Variants in SEPTIN7 observed in about 807,000 individuals in gnomAD.
The protein encoded by SEPTIN7 is septin-7.
SEPTIN7 carries 10 observed loss-of-function variants against 63.3 expected under a neutral mutation model. The observed-to-expected ratio is 0.16, with a 90% confidence interval of 0.10 to 0.27. The LOEUF (loss-of-function observed/expected upper bound fraction) is 0.27, where lower values mean the gene tolerates loss of function less well. Among genes scored for constraint, SEPTIN7 ranks in the 10% least tolerant of loss-of-function variants. SEPTIN7 has a pLI of 1.00. For missense variants in SEPTIN7, 310 were observed against 521.0 expected, an observed-to-expected ratio of 0.59 and a Z score of 3.94; for synonymous variants, 131 against 165.3, an observed-to-expected ratio of 0.79 and a Z score of 1.59.
At chr7:35,875,383 G>A (rs1786409349) in intron 6 of SEPTIN7, among the ~76,000 whole-genome samples, 1 of 152,138 alleles carries the variant, frequency 6.6e-6, no homozygotes, top group East Asian at 1.9e-4. Context: ...AGAATTTTAT[G>A]TATAGAGTTC....
At chr7:35,914,105 A>G in the SEPTIN7 span, among the ~76,000 whole-genome samples, 3 of 152,360 alleles carry the variant, frequency 2.0e-5, no homozygotes, top group African/African-American at 7.2e-5. Flanking sequence ...CATAACATTG[A>G]GAAAGAATGA....
intron 3 of SEPTIN7, among the ~76,000 whole-genome samples, chr7:35,834,047 T>G (rs1281930129): frequency 6.6e-6 from 1 of 152,018 alleles, no homozygotes; most frequent in Admixed American, 6.6e-5. Flanking sequence ...GCTTGCAAAC[T>G]GCTGCTGTGG....
At chr7:35,815,332 A>T (rs1285780757) in intron 1 of SEPTIN7, among the ~76,000 whole-genome samples, 1 of 152,226 alleles carries the variant, frequency 6.6e-6, no homozygotes, top group African/African-American at 2.4e-5. Context: ...AGACAGAGGT[A>T]GGCAATATAT....
intron 3 of SEPTIN7, among the ~76,000 whole-genome samples, chr7:35,856,653 C>T (rs1370065838): frequency 2.0e-5 from 3 of 152,126 alleles, no homozygotes; most frequent in East Asian, 3.8e-4. Context: ...TTTTTTCTGC[C>T]TCCTTACCCT....
intron 1 of SEPTIN7, among the ~76,000 whole-genome samples, chr7:35,821,914 G>A (rs552025334): frequency 5.9e-5 from 9 of 152,284 alleles, no homozygotes; most frequent in Non-Finnish European, 1.0e-4. Context: ...GAGTAGCTGC[G>A]ATTACAGGTG....
At chr7:35,889,479 G>T in intron 10 of SEPTIN7, among the ~76,000 whole-genome samples, 1 of 152,336 alleles carries the variant, frequency 6.6e-6, no homozygotes. Context: ...GATTCAAGAA[G>T]CTGGATTGTG....
intron 1 of SEPTIN7, among the ~76,000 whole-genome samples, chr7:35,826,754 A>C (rs1345988337): frequency 6.6e-6 from 1 of 152,080 alleles, no homozygotes; most frequent in Non-Finnish European, 1.5e-5. Context: ...AATAGTTTTC[A>C]AAATAAGTTG....
At chr7:35,867,597 G>C (rs1161026785) in intron 4 of SEPTIN7, among the ~76,000 whole-genome samples, 1 of 151,830 alleles carries the variant, frequency 6.6e-6, no homozygotes, top group African/African-American at 2.4e-5. Context: ...TGATCCGCCC[G>C]CCTCGGCCTC....
At chr7:35,894,484 T>A (rs912765065) in intron 11 of SEPTIN7, among the ~76,000 whole-genome samples, 3 of 152,184 alleles carry the variant, frequency 2.0e-5, no homozygotes, top group Non-Finnish European at 2.9e-5. Context: ...GACAATTTGC[T>A]GAAAATTTCA....
At position 35,904,318 on chromosome 7, in the gene SEPTIN7, G is replaced by C. The variant is rs1375151535; in HGVS notation, c.*25G>C. On this transcript the variant is annotated 3_prime_UTR_variant, in exon 14 of 14. Coordinates refer to ENST00000350320, the MANE Select transcript of SEPTIN7 (RefSeq NM_001788.6). ...AACTCTCTATTGACCACCAGTTAAC[G>C]TATTAGTTGCCAATATGCCAGCTTG... 6 of 1,535,862 alleles carry C rather than the reference G, an allele frequency of 3.9e-6. No individual in the cohort carries two copies. The highest frequency in any genetic ancestry group is 5.3e-6 in the Non-Finnish European group (6 of 1,139,626).
At chr7:35,832,643 G>A (rs755041444) in intron 2 of SEPTIN7, 155 bp from the exon 3 acceptor site, 1 of 622,380 alleles carries the variant, frequency 1.6e-6, no homozygotes, top group Admixed American at 2.4e-5. Context: ...GTCCATTTAA[G>A]AATTGATAGT....
intron 1 of SEPTIN7, among the ~76,000 whole-genome samples, chr7:35,828,462 G>A (rs1372550831): frequency 1.3e-5 from 2 of 151,516 alleles, no homozygotes; most frequent in Non-Finnish European, 3.0e-5. Context: ...TGCAACCTCT[G>A]CCTCCCAGGT....
At chr7:35,822,713 T>C (rs1197546045) in intron 1 of SEPTIN7, among the ~76,000 whole-genome samples, 2 of 152,202 alleles carry the variant, frequency 1.3e-5, no homozygotes, top group Non-Finnish European at 2.9e-5. Flanking sequence ...TATTTATAAT[T>C]GCATATGTGG....
intron 1 of SEPTIN7, among the ~76,000 whole-genome samples, 194 bp downstream of exon 1, chr7:35,801,464 G>A (rs555888155): frequency 4.6e-4 from 70 of 151,912 alleles, no homozygotes; most frequent in African/African-American, 1.7e-3. Flanking sequence ...CGGCGGCGGT[G>A]ACAGTTTGAA....
chr7:35,838,816 TG>T (rs1384206443), intron 3 of SEPTIN7, among the ~76,000 whole-genome samples: 1 of 152,212 alleles, frequency 6.6e-6, no homozygotes, highest in Non-Finnish European at 1.5e-5. Flanking sequence ...TAAATCCGTA[TG>T]GTTTTTTGAT....
chr7:35,801,158 G>A lies in SEPTIN7; in HGVS notation c.-52G>A. On this transcript the variant is annotated 5_prime_UTR_variant, in exon 1 of 14. Transcript: ENST00000350320. ...TGCGGAATCGGCGTAGGCGCCTTTG[G>A]AGAATCGGCGGGCTGCGCTCCGCTG... 6.9e-7 allele frequency: 1 copy of A among 1,440,812 alleles called. No homozygotes were observed. Among genetic ancestry groups the A allele is most frequent in the South Asian group, 1.3e-5 (1 of 74,688 alleles). The allele number at this position is 1,440,812 out of a possible 1,614,324, so 89.3% of individuals were successfully genotyped here.
intron 3 of SEPTIN7, among the ~76,000 whole-genome samples, chr7:35,856,506 T>G (rs1311297056): frequency 6.6e-6 from 1 of 152,264 alleles, no homozygotes; most frequent in Non-Finnish European, 1.5e-5. Flanking sequence ...GCTGGATCAT[T>G]GCCTTGTGTC....
chr7:35,851,630 T>G (rs773039097), intron 3 of SEPTIN7, among the ~76,000 whole-genome samples: 27 of 152,166 alleles, frequency 1.8e-4, no homozygotes, highest in Non-Finnish European at 3.5e-4. Flanking sequence ...ACAGATCTTG[T>G]GTTTAAGTAG....
At chr7:35,808,833 A>T (rs1389458106) in intron 1 of SEPTIN7, among the ~76,000 whole-genome samples, 2 of 152,204 alleles carry the variant, frequency 1.3e-5, no homozygotes, top group African/African-American at 4.8e-5. Flanking sequence ...TTTGTTTAAC[A>T]TGTCTGCCTC....
Sources: allele counts gnomAD v4.1 joint callset (sites outside exome capture counted in the v4.1 genomes callset), GRCh38; gene constraint gnomAD v4.1.1; transcripts MANE v1.5; gene names NCBI Gene and HGNC (gene_info 2026-07-23, HGNC 2026-07-21).